The following NRXN3 variants were observed in gnomAD, a reference collection of about 807,000 sequenced individuals.
NRXN3 encodes neurexin III.
A neutral mutation model predicts 137.6 loss-of-function variants in NRXN3; 32 were observed. The ratio of observed to expected loss-of-function variants is 0.23; its 90% CI spans 0.18 to 0.31. NRXN3 has a LOEUF of 0.31. Ranked by LOEUF, NRXN3 falls within the 10% of genes least tolerant of loss-of-function variation. NRXN3 has a pLI of 1.00. For synonymous variants in NRXN3, 798 were observed against 784.5 expected (o/e 1.02, Z -0.29); for missense variants, 1,574 against 2,062.5 (o/e 0.76, Z 4.59).
intron 10 of NRXN3, among the ~76,000 whole-genome samples, chr14:78,834,629 C>T (rs2098991252): frequency 6.6e-6 from 1 of 152,138 alleles, no homozygotes; most frequent in Non-Finnish European, 1.5e-5. Context: ...AAACATACCA[C>T]TGAGAACAAA....
At chr14:79,273,123 G>C (rs2079617007) in intron 15 of NRXN3, among the ~76,000 whole-genome samples, 1 of 125,802 alleles carries the variant, frequency 7.9e-6, no homozygotes, top group African/African-American at 3.1e-5. Flanking sequence ...AGTGAGCAGA[G>C]ATCACGCCAC....
chr14:79,698,270 G>T (rs1015847942), intron 19 of NRXN3, among the ~76,000 whole-genome samples: 1 of 152,026 alleles, frequency 6.6e-6, no homozygotes, highest in Non-Finnish European at 1.5e-5. Context: ...AAGGGCAAGG[G>T]AGGGAAGGAA....
intron 8 of NRXN3, among the ~76,000 whole-genome samples, chr14:78,723,866 G>C (rs538253597): frequency 4.5e-4 from 69 of 152,276 alleles, no homozygotes; most frequent in African/African-American, 1.6e-3. Context: ...ATACAGGTTA[G>C]AGTTTAAAAT....
intron 4 of NRXN3, among the ~76,000 whole-genome samples, chr14:78,538,126 G>C (rs2096554106): frequency 6.6e-6 from 1 of 152,058 alleles, no homozygotes; most frequent in African/African-American, 2.4e-5. Context: ...CTTTAAAGTA[G>C]TTTTTTTCCA....
chr14:79,137,027 C>T (rs2058303402), intron 15 of NRXN3, among the ~76,000 whole-genome samples: 1 of 152,164 alleles, frequency 6.6e-6, no homozygotes, highest in Non-Finnish European at 1.5e-5. Flanking sequence ...CCCTTGGGGC[C>T]ATTTGAGGAC....
intron 16 of NRXN3, among the ~76,000 whole-genome samples, chr14:79,613,324 C>T (rs2098123210): frequency 6.6e-6 from 1 of 152,192 alleles, no homozygotes; most frequent in Admixed American, 6.5e-5. Context: ...ATCGTTGTTA[C>T]AGTGAGTACA....
intron 15 of NRXN3, among the ~76,000 whole-genome samples, chr14:79,185,894 A>G (rs1017759219): frequency 6.6e-6 from 1 of 152,154 alleles, no homozygotes. Context: ...TTTCCCCCCA[A>G]GATTTTATAA....
intron 8 of NRXN3, among the ~76,000 whole-genome samples, chr14:78,777,900 C>CTA (rs1388393729): frequency 6.6e-6 from 1 of 152,214 alleles, no homozygotes; most frequent in Middle Eastern, 3.4e-3. Flanking sequence ...GTAACTGGAA[C>CTA]TATAGGTGCA....
intron 15 of NRXN3, among the ~76,000 whole-genome samples, chr14:79,406,271 C>T (rs1366946654): frequency 3.3e-5 from 5 of 149,980 alleles, no homozygotes; most frequent in African/African-American, 9.8e-5. Context: ...ATCCTCTCCC[C>T]TCCTCTCCCC....
At chr14:79,088,206 T>C (rs1398161967) in intron 15 of NRXN3, among the ~76,000 whole-genome samples, 3 of 150,016 alleles carry the variant, frequency 2.0e-5, no homozygotes, top group African/African-American at 7.6e-5. Context: ...AGCTTTGAAG[T>C]GCTTCAGCTT....
At chr14:79,041,747 G>A (rs1417703224) in intron 15 of NRXN3, among the ~76,000 whole-genome samples, 1 of 152,160 alleles carries the variant, frequency 6.6e-6, no homozygotes, top group Admixed American at 6.6e-5. Context: ...AAAAAGAAGA[G>A]TGAGTCACTT....
chr14:79,065,079 C>CATAT (rs568264558), intron 15 of NRXN3, among the ~76,000 whole-genome samples: 2 of 150,740 alleles, frequency 1.3e-5, no homozygotes, highest in Admixed American at 6.6e-5. Flanking sequence ...TATTTACATG[C>CATAT]ATATATATAT....
At chr14:78,501,375 G>T (rs1325254147) in intron 4 of NRXN3, among the ~76,000 whole-genome samples, 2 of 152,122 alleles carry the variant, frequency 1.3e-5, no homozygotes, top group Admixed American at 6.6e-5. Flanking sequence ...CTCCCTCATT[G>T]CCTCACCGTG....
chr14:78,895,903 T>C (rs538394929), intron 10 of NRXN3, among the ~76,000 whole-genome samples: 1 of 152,020 alleles, frequency 6.6e-6, no homozygotes, highest in East Asian at 1.9e-4. Context: ...GGCCATCTTA[T>C]ATGGACATGA....
At chr14:79,279,370 C>G in intron 15 of NRXN3, 1 of 986,080 alleles carries the variant, frequency 1.0e-6, no homozygotes, top group Non-Finnish European at 1.2e-6. Flanking sequence ...ATTTGGCTCC[C>G]CAACTCCTCG....
chr14:79,494,546 A>T (rs1437633715), intron 16 of NRXN3, among the ~76,000 whole-genome samples: 9 of 152,176 alleles, frequency 5.9e-5, no homozygotes, highest in Non-Finnish European at 1.3e-4. Context: ...TATGCAAGGG[A>T]CCAAAAAGGG....
At chr14:79,706,826 A>C (rs564657460) in intron 19 of NRXN3, among the ~76,000 whole-genome samples, 1 of 152,312 alleles carries the variant, frequency 6.6e-6, no homozygotes, top group Admixed American at 6.5e-5. Flanking sequence ...TTCACCCCTG[A>C]ACATCTGCTT....
intron 9 of NRXN3, among the ~76,000 whole-genome samples, chr14:78,806,038 G>T (rs2098865423): frequency 7.4e-6 from 1 of 134,776 alleles, no homozygotes. Flanking sequence ...TTTTCCAATA[G>T]ACTTTGCTTT....
intron 6 of NRXN3, among the ~76,000 whole-genome samples, chr14:78,652,164 G>A (rs2097751564): frequency 6.6e-6 from 1 of 152,220 alleles, no homozygotes; most frequent in Non-Finnish European, 1.5e-5. Context: ...TAAGCCTGGT[G>A]TTCCCAAGGG....
Sources: allele counts gnomAD v4.1 joint callset (sites outside exome capture counted in the v4.1 genomes callset), GRCh38; gene constraint gnomAD v4.1.1; transcripts MANE v1.5; gene names NCBI Gene and HGNC (gene_info 2026-07-23, HGNC 2026-07-21).